DOCK1: variants seen among roughly 807,000 people sequenced by gnomAD.
DOCK1 encodes the protein dedicator of cytokinesis 1, also known as dedicator of cytokinesis protein 1.
DOCK1 carries 138 observed loss-of-function variants against 262.7 expected under a neutral mutation model. The observed-to-expected ratio is 0.53, with a 90% CI of 0.46 to 0.61. The LOEUF (loss-of-function observed/expected upper bound fraction) is 0.61. DOCK1 is among the 20% of genes least tolerant of loss of function. The pLI, the probability that DOCK1 is intolerant of heterozygous loss-of-function variation, is 0.00. For synonymous variants in DOCK1, 866 were observed against 867.4 expected, an observed-to-expected ratio of 1.00 and a Z score of 0.03; for missense variants, 1,908 against 2,370.7, an observed-to-expected ratio of 0.80 and a Z score of 4.05.
At chr10:127,139,056 T>A (rs1228524078) in intron 27 of DOCK1, among the ~76,000 whole-genome samples, 1 of 152,156 alleles carries the variant, frequency 6.6e-6, no homozygotes, top group Non-Finnish European at 1.5e-5. Context: ...GGGCCAGGCC[T>A]TGGGAGGATT....
At chr10:127,204,299 G>A (rs1378670068) in intron 27 of DOCK1, among the ~76,000 whole-genome samples, 1 of 152,134 alleles carries the variant, frequency 6.6e-6, no homozygotes, top group East Asian at 1.9e-4. Flanking sequence ...TGTTTGGTTT[G>A]GTTTTGAGAT....
chr10:127,258,753 A>G (rs1388941663), intron 29 of DOCK1, among the ~76,000 whole-genome samples: 1 of 152,242 alleles, frequency 6.6e-6, no homozygotes, highest in African/African-American at 2.4e-5. Context: ...CCCACCAGCC[A>G]TGTAAGTGAT....
At chr10:127,108,349 A>G (rs185026448) in intron 24 of DOCK1, among the ~76,000 whole-genome samples, 2 of 152,072 alleles carry the variant, frequency 1.3e-5, no homozygotes, top group African/African-American at 4.8e-5. Flanking sequence ...GCACTTTGGG[A>G]GGCCGAGGGG....
intron 32 of DOCK1, among the ~76,000 whole-genome samples, chr10:127,359,842 A>T (rs1443826164): frequency 6.6e-6 from 1 of 152,042 alleles, no homozygotes; most frequent in Non-Finnish European, 1.5e-5. Context: ...TTGCAAAGAA[A>T]ACTAAAGAAT....
intron 1 of DOCK1, among the ~76,000 whole-genome samples, chr10:126,963,182 T>A (rs1211575479): frequency 1.3e-5 from 2 of 152,218 alleles, no homozygotes; most frequent in African/African-American, 4.8e-5. Context: ...TTTTCAAGAT[T>A]GTTTTGGCTA....
At chr10:126,918,983 G>GGTGC (rs1554955675) in intron 1 of DOCK1, among the ~76,000 whole-genome samples, 58 of 151,682 alleles carry the variant, frequency 3.8e-4, no homozygotes, top group East Asian at 1.6e-3. Flanking sequence ...AGAAAGCCGA[G>GGTGC]AGGGAGTGTG....
In DOCK1 at chr10:127,447,384, G is replaced by C; in HGVS notation, c.5414-10G>C. Reference sequence around the variant, plus strand: ...GTCGGGCTGATTTTAAATAGATCCCGGTTTTCCAGGCTTGGAGCTGAACGG... The same window carrying C: ...GTCGGGCTGATTTTAAATAGATCCCCGTTTTCCAGGCTTGGAGCTGAACGG... On this transcript the variant is annotated splice_polypyrimidine_tract_variant and intron_variant, in intron 50 of 51. Coordinates refer to ENST00000623213, the MANE Select transcript of DOCK1 (RefSeq NM_001290223.2). 6.2e-7 allele frequency: 1 copy of C among 1,609,726 alleles called. No individual in the cohort carries two copies. Among genetic ancestry groups the C allele is most frequent in the South Asian group, 1.1e-5 (1 of 90,100 alleles).
At chr10:127,159,200 TTTAC>T (rs1361485994) in intron 27 of DOCK1, among the ~76,000 whole-genome samples, 1 of 152,220 alleles carries the variant, frequency 6.6e-6, no homozygotes, top group East Asian at 1.9e-4. Flanking sequence ...TTTTGAGTCA[TTTAC>T]ATTTCTGTTT....
At position 127,247,648 on chromosome 10, in the gene DOCK1, G is replaced by A. The variant is rs2059476813; in HGVS notation, c.2848-360G>A. 2.0e-5 allele frequency among the ~76,000 whole-genome samples: 3 copies of A among 152,156 alleles called. No individual in the cohort carries two copies. The South Asian group carries it at 6.2e-4, about 32-fold the overall frequency. ...AACCCTGTATCAGGAAACACTTGAG[G>A]TATTAATAGTTAGAGAGAATAAAAT... On this transcript the variant is annotated intron_variant, in intron 27 of 51. Coordinates refer to ENST00000623213, the MANE Select transcript of DOCK1 (RefSeq NM_001290223.2).
At chr10:127,092,670 G>C (rs2047609009) in intron 23 of DOCK1, among the ~76,000 whole-genome samples, 1 of 152,182 alleles carries the variant, frequency 6.6e-6, no homozygotes, top group East Asian at 1.9e-4. Context: ...TTTTAATAGA[G>C]ACAGGGTTTC....
chr10:127,364,888 A>G (rs1259343388), intron 33 of DOCK1, among the ~76,000 whole-genome samples: 1 of 149,672 alleles, frequency 6.7e-6, no homozygotes, highest in Non-Finnish European at 1.5e-5. Flanking sequence ...CCATGATAGC[A>G]GAAGGTCTCC....
At chr10:127,289,766 A>G (rs2061286494) in intron 29 of DOCK1, among the ~76,000 whole-genome samples, 1 of 152,002 alleles carries the variant, frequency 6.6e-6, no homozygotes, top group Non-Finnish European at 1.5e-5. Flanking sequence ...CTCAGACAGT[A>G]TCTCCGTTAT....
At chr10:127,064,749 G>A (rs867245909) in intron 23 of DOCK1, among the ~76,000 whole-genome samples, 1 of 152,190 alleles carries the variant, frequency 6.6e-6, no homozygotes, top group Non-Finnish European at 1.5e-5. Context: ...ACATACTGCC[G>A]TGGCCAAATA....
chr10:127,123,344 C>A (rs1323712431), intron 25 of DOCK1, among the ~76,000 whole-genome samples: 7 of 152,124 alleles, frequency 4.6e-5, no homozygotes, highest in African/African-American at 1.7e-4. Context: ...AGGGCTCTCC[C>A]CATGTTGAGG....
intron 29 of DOCK1, among the ~76,000 whole-genome samples, chr10:127,268,952 G>T (rs2060469797): frequency 6.6e-6 from 1 of 152,140 alleles, no homozygotes. Context: ...ATTCTGCCGA[G>T]CCTGGGGTGA....
chr10:127,150,271 T>C (rs1360753860), intron 27 of DOCK1, among the ~76,000 whole-genome samples: 1 of 152,136 alleles, frequency 6.6e-6, no homozygotes, highest in East Asian at 1.9e-4. Context: ...GCTTCTGACA[T>C]TTGGGGGTGA....
In DOCK1 at chr10:127,117,602, G is replaced by A. The variant is rs1325031201; in HGVS notation, c.2623+7248G>A. Among the ~76,000 whole-genome samples, 5 of 152,168 alleles carry A rather than the reference G, an allele frequency of 3.3e-5. No individual in the cohort carries two copies. The East Asian group carries it at 7.7e-4, about 23-fold the overall frequency. The stretch of plus-strand genomic sequence containing the variant: ...GGGACCTTTATCTGTGATCAAATTG[G>A]TGGTGCCAACAGTTTATGGTATAGT... On this transcript the variant is annotated intron_variant, in intron 25 of 51. Coordinates refer to ENST00000623213, the MANE Select transcript of DOCK1 (RefSeq NM_001290223.2).
At chr10:126,976,740 C>CT (rs112979221) in intron 2 of DOCK1, among the ~76,000 whole-genome samples, 9,301 of 146,286 alleles carry the variant, frequency 0.064, 305 homozygotes, top group Middle Eastern at 0.11. Flanking sequence ...TGTCTTTAAG[C>CT]TTTTTTTTTT....
intron 4 of DOCK1, among the ~76,000 whole-genome samples, chr10:126,985,457 TC>T (rs1393986678): frequency 6.6e-6 from 1 of 152,018 alleles, no homozygotes; most frequent in Non-Finnish European, 1.5e-5. Flanking sequence ...GGCACATTAA[TC>T]CCAGGGATCC....
Sources: gnomAD v4.1 joint callset for allele counts (sites outside exome capture counted in the v4.1 genomes callset) on GRCh38, gnomAD v4.1.1 for gene constraint, MANE v1.5 for transcripts, NCBI Gene and HGNC (gene_info 2026-07-23, HGNC 2026-07-21) for gene names.